Variants in TARS3 observed in about 807,000 individuals in gnomAD.
The protein encoded by TARS3 is threonine--tRNA ligase 2, cytoplasmic.
In TARS3, 94 loss-of-function variants were observed where a neutral mutation model predicts 103.5. The observed-to-expected ratio is 0.91, with a 90% CI of 0.77 to 1.08. The LOEUF (loss-of-function observed/expected upper bound fraction) is 1.08, where lower values mean the gene tolerates loss of function less well. Among genes scored for constraint, TARS3 ranks in the 50% least tolerant of loss-of-function variants. The pLI is 0.00. For missense variants in TARS3, 952 were observed against 995.2 expected (o/e 0.96, Z 0.58); for synonymous variants, 416 against 355.4 (o/e 1.17, Z -1.92).
rs1352311876 is a variant in TARS3, at chr15:101,686,069, G to A, written c.1321-7C>T. ...CCCGTTTGTGATATTCCTCCTTCAAGATACATGCATTCAACATTAAAATCT... is the reference window on the plus strand; with the variant it reads ...CCCGTTTGTGATATTCCTCCTTCAAAATACATGCATTCAACATTAAAATCT... On this transcript the variant is annotated splice_region_variant and splice_polypyrimidine_tract_variant and intron_variant, in intron 10 of 18. Coordinates refer to ENST00000335968, the MANE Select transcript of TARS3 (RefSeq NM_152334.3). 1.9e-6 allele frequency: 3 copies of A among 1,594,816 alleles called. No homozygotes were observed. The highest frequency in any genetic ancestry group is 2.6e-6 in the Non-Finnish European group (3 of 1,167,452).
intron 16 of TARS3, among the ~76,000 whole-genome samples, chr15:101,658,311 CAAAAAAAA>C (rs36121104): frequency 1.4e-5 from 1 of 70,152 alleles, no homozygotes; most frequent in Non-Finnish European, 2.5e-5. Context: ...ACACCATCAG[CAAAAAAAA>C]AAAAAAAAAA....
chr15:101,719,982 G>A lies in TARS3; in HGVS notation c.566+1144C>T, dbSNP rs115553475. On this transcript the variant is annotated intron_variant, in intron 3 of 18. Transcript: ENST00000335968. ...GTTTCCAGGTGATGCCCATGCTGCT[G>A]GTCTGGGGACTACACTTTGAGAAAT... Among the ~76,000 whole-genome samples the A allele has an allele frequency of 1.6e-3, 246 of 152,120 alleles. 2 individuals are homozygous for A. Among genetic ancestry groups the A allele is most frequent in the Middle Eastern group, 6.8e-3 (2 of 294 alleles).
intron 9 of TARS3, among the ~76,000 whole-genome samples, chr15:101,701,773 A>T (rs538867211): frequency 6.6e-6 from 1 of 152,264 alleles, no homozygotes; most frequent in Non-Finnish European, 1.5e-5. Context: ...CAGAATGTAA[A>T]AAACAACTCT....
rs745877447 is a variant in TARS3, at chr15:101,684,284, TTAAA to T, written c.1488-51_1488-48del. 25 of 1,489,410 alleles carry T rather than the reference TTAAA, an allele frequency of 1.7e-5. No homozygotes were observed. In the South Asian group the frequency reaches 2.9e-4, roughly 17 times the overall value. 92.3% of individuals were successfully genotyped at this position (1,489,410 alleles called of 1,614,324 possible). ...ACAGCTTTTACACAGCACAGAAATA[TTAAA>T]TAATTATCTAAATATAAAGAAATTA... On this transcript the variant is annotated intron_variant, in intron 11 of 18. Transcript: ENST00000335968.
chr15:101,680,310 T>C (rs1324722030), intron 12 of TARS3, among the ~76,000 whole-genome samples: 1 of 152,262 alleles, frequency 6.6e-6, no homozygotes, highest in Non-Finnish European at 1.5e-5. Context: ...AAAACTTTTC[T>C]ATCTTTCTAG....
Position 101,683,206 on chromosome 15 carries a change from T to C in TARS3, c.1650+869A>G, listed in dbSNP as rs557054569. Reference sequence around the variant, plus strand: ...TCTATCTTAAGTAAAAGCTAAGTCATTGATTTTTCTTTTCTAATGCAGGTA... The same window carrying C: ...TCTATCTTAAGTAAAAGCTAAGTCACTGATTTTTCTTTTCTAATGCAGGTA... On this transcript the variant is annotated intron_variant, in intron 12 of 18. Transcript: ENST00000335968. Among the ~76,000 whole-genome samples the C allele has an allele frequency of 1.1e-4, 17 of 152,350 alleles. No individual in the cohort carries two copies. The East Asian group carries it at 2.7e-3, about 24-fold the overall frequency.
chr15:101,686,008 T>C lies in TARS3; in HGVS notation c.1375A>G (p.Ser459Gly), dbSNP rs1898459022. ...TEVLSPNMYNSKLWEASGHWQ... is the reference protein window; with the variant it reads ...TEVLSPNMYNGKLWEASGHWQ... ...TGGCCTGAGGCTTCCCAGAGTTTACTGTTGTACATATTGGGAGAGAGCACC... is the reference window on the plus strand; with the variant it reads ...TGGCCTGAGGCTTCCCAGAGTTTACCGTTGTACATATTGGGAGAGAGCACC... The change falls in exon 11 of 19, where the codon AGT (serine) becomes GGT (glycine). Residue 459 changes from serine (S) to glycine (G), a missense_variant. Physicochemically the swap from Ser to Gly is moderately conservative, Grantham distance 56. Transcript: ENST00000335968. 6.2e-7 allele frequency: 1 copy of C among 1,613,892 alleles called. No homozygotes were observed. The highest frequency in any genetic ancestry group is 8.5e-7 in the Non-Finnish European group (1 of 1,179,834).
rs552833085 is a variant in TARS3 at position 101,657,876 on chromosome 15, A to T, written c.2073-19T>A. The T allele has an allele frequency of 6.7e-7, 1 of 1,495,162 alleles. No homozygotes were observed. The highest frequency in any genetic ancestry group is 1.2e-5 in the South Asian group (1 of 81,970). The allele number at this position is 1,495,162 out of a possible 1,614,324, so 92.6% of individuals were successfully genotyped here. A position where few individuals can be genotyped will look rare whatever the true frequency, so the allele number is the denominator to read the frequency against. ...GAAAGGCCTGAAAAATATATATAAA[A>T]TATGTATTTTCAAAGTGTAATAATG... On this transcript the variant is annotated intron_variant, in intron 16 of 18. Transcript: ENST00000335968.
intron 15 of TARS3, among the ~76,000 whole-genome samples, chr15:101,667,524 C>T (rs1897626926): frequency 6.6e-6 from 1 of 151,568 alleles, no homozygotes; most frequent in South Asian, 2.1e-4. Flanking sequence ...CTTGCTGAAG[C>T]TTGTACGTCA....
intron 16 of TARS3, among the ~76,000 whole-genome samples, chr15:101,658,945 C>T (rs1897278554): frequency 1.3e-5 from 2 of 152,104 alleles, no homozygotes; most frequent in African/African-American, 2.4e-5. Context: ...GCCATTGCCA[C>T]CACACCCAGC....
chr15:101,661,646 A>G (rs1897381670), intron 16 of TARS3, 66 bp downstream of exon 16: 3 of 1,000,012 alleles, frequency 3.0e-6, no homozygotes, highest in Admixed American at 3.0e-5. Context: ...AAAAGGAAAA[A>G]TGAGTAAATT....
chr15:101,671,417 T>C (rs112044604), intron 15 of TARS3, 69 bp downstream of exon 15: 2 of 1,145,454 alleles, frequency 1.7e-6, no homozygotes, highest in African/African-American at 1.6e-5. Flanking sequence ...TATTTTTGCA[T>C]TGCTAATACT....
chr15:101,683,963 C>CAA (rs1596303077), intron 12 of TARS3, 112 bp downstream of exon 12: 1 of 1,075,764 alleles, frequency 9.3e-7, no homozygotes, highest in East Asian at 2.7e-5. Context: ...GAATGAATCT[C>CAA]AGAGACTAGA....
chr15:101,654,190 C>A lies in TARS3; in HGVS notation c.*392G>T. The A allele has an allele frequency of 6.2e-6, 1 of 161,226 alleles. No individual in the cohort carries two copies. Among genetic ancestry groups the A allele is most frequent in the Non-Finnish European group, 1.3e-5 (1 of 74,806 alleles). 10.0% of individuals were successfully genotyped at this position (161,226 alleles called of 1,614,324 possible). A position where few individuals can be genotyped will look rare whatever the true frequency, so the allele number is the denominator to read the frequency against. ...ATTTTAGTAGAAGTCATAAAAATAC[C>A]TGAGACATATTAGAAAATAAGATTT... On this transcript the variant is annotated 3_prime_UTR_variant, in exon 19 of 19. Coordinates refer to ENST00000335968, the MANE Select transcript of TARS3 (RefSeq NM_152334.3).
At chr15:101,661,099 C>G (rs1897357357) in intron 16 of TARS3, among the ~76,000 whole-genome samples, 2 of 152,142 alleles carry the variant, frequency 1.3e-5, no homozygotes, top group Admixed American at 6.5e-5. Context: ...AAAAGGACCA[C>G]AGGATGCACC....
intron 12 of TARS3, 30 bp downstream of exon 12, chr15:101,684,045 C>A: frequency 1.3e-6 from 2 of 1,590,766 alleles, no homozygotes; most frequent in Non-Finnish European, 8.6e-7. Context: ...AATTTGTGAC[C>A]ACACTGCTTC....
intron 17 of TARS3, among the ~76,000 whole-genome samples, chr15:101,657,264 G>T (rs1897227036): frequency 6.6e-6 from 1 of 152,216 alleles, no homozygotes; most frequent in East Asian, 1.9e-4. Context: ...TGCTCTGGGG[G>T]AAACCAGCCA....
intron 17 of TARS3, 87 bp downstream of exon 17, chr15:101,657,697 AT>A: frequency 2.3e-6 from 2 of 859,276 alleles, no homozygotes; most frequent in Non-Finnish European, 3.5e-6. Flanking sequence ...GTTCTGCAAT[AT>A]TTTAAAGCAT....
At chr15:101,690,061 C>T (rs191117710) in intron 10 of TARS3, among the ~76,000 whole-genome samples, 69 of 152,366 alleles carry the variant, frequency 4.5e-4, no homozygotes, top group African/African-American at 1.6e-3. Context: ...GACATCACCA[C>T]ATGATGACAC....
Sources: gnomAD v4.1 joint callset for allele counts (sites outside exome capture counted in the v4.1 genomes callset) on GRCh38, gnomAD v4.1.1 for gene constraint, MANE v1.5 for transcripts, NCBI Gene and HGNC (gene_info 2026-07-23, HGNC 2026-07-21) for gene names.